The following PACC1 variants were observed in gnomAD, a reference collection of about 807,000 sequenced individuals.
PACC1 encodes proton-activated chloride channel.
In PACC1, 34 loss-of-function variants were observed where a neutral mutation model predicts 39.7. The observed-to-expected ratio is 0.86, with a 90% CI of 0.65 to 1.14. The LOEUF is 1.14. PACC1 is among the 50% of genes most tolerant of loss of function. The pLI is 0.00. For synonymous variants in PACC1, 127 were observed against 160.6 expected, an observed-to-expected ratio of 0.79 and a Z score of 1.58; for missense variants, 379 against 436.4, an observed-to-expected ratio of 0.87 and a Z score of 1.17.
intron 2 of PACC1, among the ~76,000 whole-genome samples, chr1:212,408,211 T>C (rs2102543005): frequency 6.6e-6 from 1 of 152,190 alleles, no homozygotes; most frequent in East Asian, 1.9e-4. Context: ...GGGGGCCTCA[T>C]CTGTAAAAGG....
At chr1:212,383,771 A>G (rs1033909283) in intron 4 of PACC1, among the ~76,000 whole-genome samples, 2 of 152,176 alleles carry the variant, frequency 1.3e-5, no homozygotes, top group Non-Finnish European at 2.9e-5. Context: ...TGAGTTTTCC[A>G]GTGTGTTTTA....
intron 7 of PACC1, among the ~76,000 whole-genome samples, chr1:212,369,743 T>C (rs1315716467): frequency 6.9e-6 from 1 of 143,996 alleles, no homozygotes; most frequent in Non-Finnish European, 1.5e-5. Context: ...ATCATGCCAC[T>C]GCACTCCAGC....
At chr1:212,376,761 A>AG (rs991714870) in intron 6 of PACC1, 5 of 152,216 alleles carry the variant, frequency 3.3e-5, no homozygotes, top group Admixed American at 3.3e-4. Context: ...CTGAGGAGCT[A>AG]GGGCTCATGA....
chr1:212,389,596 A>C (rs780171793), intron 2 of PACC1, among the ~76,000 whole-genome samples: 5 of 152,202 alleles, frequency 3.3e-5, no homozygotes, highest in Non-Finnish European at 5.9e-5. Flanking sequence ...AGAAACCAAC[A>C]CCAAGATGAC....
chr1:212,406,831 G>A (rs1304968674), intron 2 of PACC1, among the ~76,000 whole-genome samples: 2 of 152,188 alleles, frequency 1.3e-5, no homozygotes, highest in African/African-American at 4.8e-5. Context: ...GGCTGCTAAG[G>A]TCCAAGGACA....
At chr1:212,375,109 A>G in intron 7 of PACC1, 84 bp downstream of exon 7, 1 of 1,141,634 alleles carries the variant, frequency 8.8e-7, no homozygotes, top group Non-Finnish European at 1.3e-6. Context: ...GGGCAGCATC[A>G]TAATCTTAAA....
At chr1:212,371,710 C>A (rs558977380) in intron 7 of PACC1, among the ~76,000 whole-genome samples, 5 of 152,178 alleles carry the variant, frequency 3.3e-5, no homozygotes, top group African/African-American at 1.2e-4. Context: ...CAAAACAAGA[C>A]AAAGACACAA....
chr1:212,398,231 C>A (rs1057170893), intron 2 of PACC1, among the ~76,000 whole-genome samples: 3 of 152,150 alleles, frequency 2.0e-5, no homozygotes, highest in African/African-American at 7.2e-5. Flanking sequence ...AAAAGATATA[C>A]ATTGAAAATA....
At position 212,377,844 on chromosome 1, in the gene PACC1, T is replaced by C. The variant is rs17018957; in HGVS notation, c.639-138A>G. ...TCCCTGCCTCCTCTCCAAATTGTGA[T>C]TGCCTCAACAGGGCTGTCAGTCACC... is the stretch of plus-strand genomic sequence containing the variant. On this transcript the variant is annotated intron_variant, in intron 5 of 7. Transcript: ENST00000261455. 3,649 of 962,200 alleles carry C rather than the reference T, an allele frequency of 3.8e-3. 72 individuals are homozygous for C. The African/African-American group carries it at 0.047, about 12-fold the overall frequency. 59.6% of individuals were successfully genotyped at this position (962,200 alleles called of 1,614,324 possible). A position where few individuals can be genotyped will look rare whatever the true frequency, so the allele number is the denominator to read the frequency against.
intron 7 of PACC1, among the ~76,000 whole-genome samples, chr1:212,367,231 T>C (rs1423059386): frequency 6.6e-6 from 1 of 152,162 alleles, no homozygotes; most frequent in Admixed American, 6.5e-5. Flanking sequence ...AGGTGAGAGA[T>C]CACAGTATCT....
At chr1:212,396,369 T>C (rs1227340078) in intron 2 of PACC1, among the ~76,000 whole-genome samples, 2 of 151,922 alleles carry the variant, frequency 1.3e-5, no homozygotes, top group Non-Finnish European at 2.9e-5. Context: ...TTCTCACTCA[T>C]AGGTGGGAAC....
At chr1:212,389,721 A>G (rs1661237962) in intron 2 of PACC1, among the ~76,000 whole-genome samples, 1 of 152,200 alleles carries the variant, frequency 6.6e-6, no homozygotes, top group Non-Finnish European at 1.5e-5. Context: ...GGCCAAATAT[A>G]TAGAATTTCA....
At chr1:212,377,357 G>A (rs192601333) in intron 6 of PACC1, among the ~76,000 whole-genome samples, 10 of 152,238 alleles carry the variant, frequency 6.6e-5, no homozygotes, top group South Asian at 2.1e-4. Flanking sequence ...AGGACTGGCC[G>A]GTATGTGCGC....
At chr1:212,379,510 C>G (rs1246378477) in intron 5 of PACC1, among the ~76,000 whole-genome samples, 1 of 152,220 alleles carries the variant, frequency 6.6e-6, no homozygotes, top group Non-Finnish European at 1.5e-5. Flanking sequence ...GCACTAAGGG[C>G]AAGATGTGGT....
rs1234888595 is a variant in PACC1 at position 212,365,359 on chromosome 1, A to G, written c.909T>C (p.Pro303=). 1.2e-6 allele frequency: 2 copies of G among 1,610,888 alleles called. No homozygotes were observed. Among genetic ancestry groups the G allele is most frequent in the African/African-American group, 1.3e-5 (1 of 74,566 alleles). ...CACAGAGAAGAGCAATTGTGTTCCA[A>G]GGATTGGCAGTGACTATCTGTGAAG... ...QKVQDIVTAN[P]WNTIALLCGA... is the part of the protein sequence containing the mutation. Residue 303 remains proline (P), a synonymous_variant, in exon 8 of 8, where the codon CCT becomes CCC. Coordinates refer to ENST00000261455, the MANE Select transcript of PACC1 (RefSeq NM_018252.3).
At chr1:212,383,375 G>A (rs558766661) in intron 4 of PACC1, among the ~76,000 whole-genome samples, 9 of 152,302 alleles carry the variant, frequency 5.9e-5, no homozygotes, top group African/African-American at 1.9e-4. Flanking sequence ...CCAGAGAATA[G>A]GCACCTAGTG....
In PACC1 at chr1:212,410,412, C is replaced by T; in HGVS notation, c.133+13G>A. 6.2e-7 allele frequency: 1 copy of T among 1,613,292 alleles called. No individual in the cohort carries two copies. Among genetic ancestry groups the T allele is most frequent in the Admixed American group, 1.7e-5 (1 of 60,024 alleles). ...CTGCAGCAACAGCACAGCAAAGCACCAAACGCACTCACCTGGTAAGATACC... is the reference window on the plus strand; with the variant it reads ...CTGCAGCAACAGCACAGCAAAGCACTAAACGCACTCACCTGGTAAGATACC... On this transcript the variant is annotated intron_variant, in intron 2 of 7. Coordinates refer to ENST00000261455, the MANE Select transcript of PACC1 (RefSeq NM_018252.3).
chr1:212,412,521 G>T (rs888967955), intron 1 of PACC1, among the ~76,000 whole-genome samples: 1 of 152,086 alleles, frequency 6.6e-6, no homozygotes, highest in Non-Finnish European at 1.5e-5. Flanking sequence ...GAAAGACGCC[G>T]GCCATTTTCT....
intron 2 of PACC1, among the ~76,000 whole-genome samples, chr1:212,402,144 T>C (rs1223351436): frequency 1.3e-5 from 2 of 152,240 alleles, no homozygotes; most frequent in South Asian, 2.1e-4. Flanking sequence ...AGTTTTCATG[T>C]GGACGTAAGT....
Sources: gnomAD v4.1 joint callset for allele counts (sites outside exome capture counted in the v4.1 genomes callset) on GRCh38, gnomAD v4.1.1 for gene constraint, MANE v1.5 for transcripts, NCBI Gene and HGNC (gene_info 2026-07-23, HGNC 2026-07-21) for gene names.